The following POTEF variants were observed in gnomAD, a reference collection of about 807,000 sequenced individuals.
The protein encoded by POTEF is POTE ankyrin domain family member F.
In POTEF, 20 loss-of-function variants were observed where a neutral mutation model predicts 83.2. The ratio of observed to expected loss-of-function variants is 0.24; its 90% CI spans 0.17 to 0.35. The LOEUF is 0.35. Among genes scored for constraint, POTEF ranks in the 10% least tolerant of loss-of-function variants. The pLI is 1.00. For synonymous variants in POTEF, 196 were observed against 446.4 expected (o/e 0.44, Z 7.07); for missense variants, 550 against 1,203.2 (o/e 0.46, Z 8.03).
chr2:130,107,791 C>A, intron 8 of POTEF: 1 of 516,632 alleles, frequency 1.9e-6, no homozygotes. Flanking sequence ...AGAGCTTCCA[C>A]GGATTCTACA....
chr2:130,111,500 A>T (rs1432470173), intron 6 of POTEF, among the ~76,000 whole-genome samples: 1 of 151,904 alleles, frequency 6.6e-6, no homozygotes, highest in African/African-American at 2.4e-5. Flanking sequence ...AACAGCAATT[A>T]ATTGTTATGT....
intron 3 of POTEF, among the ~76,000 whole-genome samples, chr2:130,115,543 T>G (rs910445320): frequency 1.3e-5 from 2 of 152,118 alleles, no homozygotes; most frequent in African/African-American, 4.8e-5. Flanking sequence ...AGCATAGCCC[T>G]TGGATGACAT....
Position 130,120,225 on chromosome 2 carries a change from C to G in POTEF, c.291G>C (p.Lys97Asn). ...AGCAGTGGCAGCACCACTTGCCCAT[C>G]TTGTTCCTGAGTGTCTTCATAGCAG... ...DDSAMKTLRN[K>N]MGKWCCHCFP... The change falls in exon 3 of 17, where the codon AAG (lysine) becomes AAC (asparagine). Residue 97 changes from lysine to asparagine, a missense_variant. Transcript: ENST00000409914. 6.3e-7 allele frequency: 1 copy of G among 1,599,546 alleles called. No homozygotes were observed. Among genetic ancestry groups the G allele is most frequent in the Non-Finnish European group, 8.5e-7 (1 of 1,175,246 alleles).
chr2:130,120,870 G>A (rs1684984898), intron 2 of POTEF: 1 of 361,472 alleles, frequency 2.8e-6, no homozygotes. Context: ...AATCCAAGCA[G>A]GAAACGTCAA....
intron 3 of POTEF, among the ~76,000 whole-genome samples, chr2:130,117,082 C>T (rs1460494492): frequency 1.3e-5 from 2 of 151,192 alleles, no homozygotes; most frequent in Non-Finnish European, 1.5e-5. Context: ...AAACTCCTGT[C>T]GAGTAATGCA....
chr2:130,111,514 G>C (rs1684710054), intron 6 of POTEF, among the ~76,000 whole-genome samples: 2 of 151,716 alleles, frequency 1.3e-5, no homozygotes, highest in South Asian at 4.1e-4. Context: ...GTTATGTAGG[G>C]ATAAGCTAAC....
At chr2:130,113,221 G>GAAAA (rs1206432110) in intron 5 of POTEF, among the ~76,000 whole-genome samples, 1 of 50,296 alleles carries the variant, frequency 2.0e-5, no homozygotes, top group Admixed American at 2.8e-4. Flanking sequence ...CATCTCTACT[G>GAAAA]AAAAAAAAAA....
At chr2:130,109,143 T>C (rs1199793315) in intron 7 of POTEF, 1 of 151,250 alleles carries the variant, frequency 6.6e-6, no homozygotes, top group South Asian at 2.1e-4. Context: ...TTTGCTTTGA[T>C]TCACACTATT....
In POTEF at chr2:130,128,273, G is replaced by A. The variant is rs1030150855; in HGVS notation, c.-249-409C>T. Among the ~76,000 whole-genome samples the A allele has an allele frequency of 4.6e-5, 7 of 151,612 alleles. No individual in the cohort carries two copies. In the East Asian group the frequency reaches 1.2e-3, roughly 25 times the overall value. ...CCAACACAGAGCATGGGGTGTGGGCGGGAGGTGCAGGCCGGAGAACCGCAG... is the reference window on the plus strand; with the variant it reads ...CCAACACAGAGCATGGGGTGTGGGCAGGAGGTGCAGGCCGGAGAACCGCAG... On this transcript the variant is annotated intron_variant, in intron 1 of 16. Transcript: ENST00000409914.
rs1369531017 is a variant in POTEF at position 130,120,358 on chromosome 2, G to A, written c.158C>T (p.Ala53Val). Reference protein sequence around the residue: ...VGTSGDHDDSAMKTLRSKMGK... With the variant: ...VGTSGDHDDSVMKTLRSKMGK... Reference sequence around the variant, plus strand: ...CATCTTGCTCCTGAGTGTCTTCATAGCAGAGTCGTCGTGGTCTCCAGAAGT... The same window carrying A: ...CATCTTGCTCCTGAGTGTCTTCATAACAGAGTCGTCGTGGTCTCCAGAAGT... The change falls in exon 3 of 17, where the codon GCT becomes GTT. Residue 53 changes from alanine (A) to valine (V), a missense_variant. Physicochemically the swap from Ala to Val is moderately conservative, Grantham distance 64. Transcript: ENST00000409914. The A allele has an allele frequency of 3.1e-6, 5 of 1,600,630 alleles. No homozygotes were observed.
intron 8 of POTEF, among the ~76,000 whole-genome samples, chr2:130,103,434 T>C (rs964036733): frequency 6.0e-5 from 9 of 149,244 alleles, no homozygotes; most frequent in African/African-American, 2.0e-4. Flanking sequence ...TATGAGAACG[T>C]CTTCCTTGAT....
intron 8 of POTEF, chr2:130,106,548 ATTC>A (rs1305142155): frequency 1.1e-5 from 1 of 90,204 alleles, no homozygotes; most frequent in Non-Finnish European, 2.2e-5. Context: ...TCTGCCAAAC[ATTC>A]TTCTTCTGCT....
At position 130,120,354 on chromosome 2, in the gene POTEF, C is replaced by A; in HGVS notation, c.162G>T (p.Met54Ile). ...GTSGDHDDSAMKTLRSKMGKW... is the reference protein window; with the variant it reads ...GTSGDHDDSAIKTLRSKMGKW... ...TGCCCATCTTGCTCCTGAGTGTCTT[C>A]ATAGCAGAGTCGTCGTGGTCTCCAG... Residue 54 changes from methionine (M) to isoleucine (I), a missense_variant, in exon 3 of 17, where the codon ATG becomes ATT. By Grantham distance (10) the Met-to-Ile change is conservative. Transcript: ENST00000409914. The A allele has an allele frequency of 1.3e-6, 2 of 1,598,722 alleles. No homozygotes were observed. Among genetic ancestry groups the A allele is most frequent in the Non-Finnish European group, 1.7e-6 (2 of 1,170,610 alleles).
intron 5 of POTEF, among the ~76,000 whole-genome samples, chr2:130,114,606 G>A (rs1384791263): frequency 6.8e-6 from 1 of 147,038 alleles, no homozygotes; most frequent in Non-Finnish European, 1.5e-5. Context: ...TCCTAGGAGG[G>A]AAAAATTGAA....
intron 2 of POTEF, among the ~76,000 whole-genome samples, chr2:130,127,503 C>A (rs1449528871): frequency 6.6e-6 from 1 of 150,972 alleles, no homozygotes; most frequent in South Asian, 2.1e-4. Flanking sequence ...ACCACTGCCA[C>A]CGAGGCCCAT....
rs200287262 is a variant in POTEF, at chr2:130,120,428, G to A, written c.88C>T (p.Arg30Cys). The change falls in exon 3 of 17, where the codon CGT becomes TGT. Residue 30 changes from arginine to cysteine, a missense_variant. Coordinates refer to ENST00000409914, the MANE Select transcript of POTEF (RefSeq NM_001099771.2). ...CTCTCCCTGCAGCAGGGGAAGCAAC[G>A]GCAGCACCACTTGCCCATCTTGCTC... ...LRSKMGKWCCRCFPCCRESGK... is the reference protein window; with the variant it reads ...LRSKMGKWCCCCFPCCRESGK... 358 of 1,613,280 alleles carry A rather than the reference G, an allele frequency of 2.2e-4. 1 individual carries two copies. Among genetic ancestry groups the A allele is most frequent in the Non-Finnish European group, 2.7e-4 (316 of 1,179,846 alleles).
At chr2:130,119,543 C>A (rs1684942246) in intron 3 of POTEF, among the ~76,000 whole-genome samples, 1 of 150,792 alleles carries the variant, frequency 6.6e-6, no homozygotes, top group Non-Finnish European at 1.5e-5. Flanking sequence ...TCTAAGGTTC[C>A]TCAGTAAAGA....
At chr2:130,114,403 C>G (rs1279986547) in intron 5 of POTEF, among the ~76,000 whole-genome samples, 1 of 146,674 alleles carries the variant, frequency 6.8e-6, no homozygotes, top group Non-Finnish European at 1.5e-5. Flanking sequence ...ACTTCTGGCT[C>G]ATGAGCAATC....
intron 2 of POTEF, among the ~76,000 whole-genome samples, chr2:130,123,743 T>C (rs974387881): frequency 6.7e-6 from 1 of 150,142 alleles, no homozygotes; most frequent in African/African-American, 2.5e-5. Context: ...AAAAATGTCA[T>C]TCCCTACATT....
Sources: gnomAD v4.1 joint callset for allele counts (sites outside exome capture counted in the v4.1 genomes callset) on GRCh38, gnomAD v4.1.1 for gene constraint, MANE v1.5 for transcripts, NCBI Gene and HGNC (gene_info 2026-07-23, HGNC 2026-07-21) for gene names.